The following SLC13A2 variants were observed in gnomAD, a reference collection of about 807,000 sequenced individuals.
SLC13A2 encodes solute carrier family 13 member 2.
A neutral mutation model predicts 58.5 loss-of-function variants in SLC13A2; 40 were observed. The ratio of observed to expected loss-of-function variants is 0.68; its 90% CI spans 0.53 to 0.89. SLC13A2 has a LOEUF of 0.89. Ranked by LOEUF, SLC13A2 falls within the 40% of genes least tolerant of loss-of-function variation. SLC13A2 has a pLI of 0.00. For synonymous variants in SLC13A2, 341 were observed against 331.6 expected (o/e 1.03, Z -0.31); for missense variants, 694 against 772.6 (o/e 0.90, Z 1.21).
intron 1 of SLC13A2, among the ~76,000 whole-genome samples, chr17:28,474,828 C>G (rs545572125): frequency 2.0e-5 from 3 of 152,236 alleles, no homozygotes; most frequent in African/African-American, 4.8e-5. Flanking sequence ...TTCTCTCCAC[C>G]CTGCTGCCTC....
intron 1 of SLC13A2, among the ~76,000 whole-genome samples, chr17:28,486,791 C>CTT (rs35840529): frequency 3.0e-5 from 4 of 131,186 alleles, no homozygotes; most frequent in South Asian, 2.5e-4. Flanking sequence ...GCGAGTCTGA[C>CTT]TTTTTTTTTT....
rs141770820 is a variant in SLC13A2, at chr17:28,475,460, C to G, written c.102+1646C>G. Among the ~76,000 whole-genome samples the G allele has an allele frequency of 3.4e-4, 52 of 152,344 alleles. 1 individual carries two copies. In the East Asian group the frequency reaches 0.01, roughly 29 times the overall value. Reference sequence around the variant, plus strand: ...TCCTCTCTGCCTGATCTCCCCCATCCACATACGGAGGTGCTGTAATATCTC... The same window carrying G: ...TCCTCTCTGCCTGATCTCCCCCATCGACATACGGAGGTGCTGTAATATCTC... On this transcript the variant is annotated intron_variant, in intron 1 of 11. Coordinates refer to ENST00000314669, the MANE Select transcript of SLC13A2 (RefSeq NM_003984.4).
rs1416240979 is a variant in SLC13A2, at chr17:28,496,052, T to A, written c.1470+236T>A. 2.0e-5 allele frequency among the ~76,000 whole-genome samples: 3 copies of A among 152,082 alleles called. No homozygotes were observed. Among genetic ancestry groups the A allele is most frequent in the South Asian group, 2.1e-4 (1 of 4,816 alleles). On this transcript the variant is annotated intron_variant, in intron 10 of 11. Coordinates refer to ENST00000314669, the MANE Select transcript of SLC13A2 (RefSeq NM_003984.4). This position sits in a 1 kb window ranked among gnomAD's most constrained non-coding sequence, Gnocchi z 4.2. ...CACCCCTGGAGTATCCTGATGGGGA[T>A]CCTGGTGGCCTCACCCACCTCCCCA...
chr17:28,489,730 T>A (rs2068964437), intron 2 of SLC13A2, among the ~76,000 whole-genome samples: 1 of 152,216 alleles, frequency 6.6e-6, no homozygotes, highest in South Asian at 2.1e-4. Flanking sequence ...AGTTTCTGAT[T>A]CGGTAGATCT....
chr17:28,485,041 C>T (rs1304834845), intron 1 of SLC13A2, among the ~76,000 whole-genome samples: 1 of 152,168 alleles, frequency 6.6e-6, no homozygotes, highest in Non-Finnish European at 1.5e-5. Context: ...AGAGGCTACG[C>T]CCCCGTCCTC....
rs554303126 is a variant in SLC13A2, at chr17:28,494,893, G to A, written c.1308+381G>A. ...GTCTGCCCTCCGCAGCCACCAGGGG[G>A]CACCATGATCACACCCACCCAGGCT... On this transcript the variant is annotated intron_variant, in intron 9 of 11. Coordinates refer to ENST00000314669, the MANE Select transcript of SLC13A2 (RefSeq NM_003984.4). The surrounding 1 kb of genome is among the most constrained non-coding windows in gnomAD (Gnocchi z 4.0). 1.3e-5 allele frequency among the ~76,000 whole-genome samples: 2 copies of A among 152,242 alleles called. No homozygotes were observed. Among genetic ancestry groups the A allele is most frequent in the Admixed American group, 1.3e-4 (2 of 15,300 alleles).
chr17:28,489,446 A>G (rs1186707408), intron 2 of SLC13A2, 104 bp downstream of exon 2: 6 of 1,367,146 alleles, frequency 4.4e-6, no homozygotes, highest in South Asian at 1.5e-5. Flanking sequence ...TAGGCAGGGC[A>G]CATGGATTAG....
Position 28,494,281 on chromosome 17 carries a change from C to G in SLC13A2, c.1187-110C>G, listed in dbSNP as rs2069094704. Reference sequence around the variant, plus strand: ...GAGATGTTGCAGAACTGAGGGTCCCCTCCTGCACGCGTTAAGCTCCAAAAG... The same window carrying G: ...GAGATGTTGCAGAACTGAGGGTCCCGTCCTGCACGCGTTAAGCTCCAAAAG... On this transcript the variant is annotated intron_variant, in intron 8 of 11. Transcript: ENST00000314669. This position sits in a 1 kb window ranked among gnomAD's most constrained non-coding sequence, Gnocchi z 4.0. The G allele has an allele frequency of 1.3e-6, 2 of 1,584,266 alleles. No individual in the cohort carries two copies. The highest frequency in any genetic ancestry group is 1.7e-6 in the Non-Finnish European group (2 of 1,154,560).
chr17:28,493,764 GC>G lies in SLC13A2; in HGVS notation c.1073del (p.Ala358ValfsTer22). ...CTTTTTTCTTGGCTGGGGCAATTTG[GC>G]TTTTCCCAATGCCAAGGGGGAGAGG... ...PGFFLGWGNL[A>X]FPNAKGESMV... On this transcript the variant is annotated frameshift_variant, in exon 7 of 12. Coordinates refer to ENST00000314669, the MANE Select transcript of SLC13A2 (RefSeq NM_003984.4). LOFTEE classifies it high-confidence loss of function. 1 of 1,614,186 alleles carries G rather than the reference GC, an allele frequency of 6.2e-7. No individual in the cohort carries two copies. The highest frequency in any genetic ancestry group is 8.5e-7 in the Non-Finnish European group (1 of 1,180,050).
intron 1 of SLC13A2, among the ~76,000 whole-genome samples, chr17:28,487,074 A>G (rs2151453711): frequency 6.6e-6 from 1 of 152,376 alleles, no homozygotes; most frequent in East Asian, 1.9e-4. Context: ...CTGGGATTAC[A>G]GGCGTGAGCC....
intron 1 of SLC13A2, among the ~76,000 whole-genome samples, chr17:28,477,628 A>G (rs1361801002): frequency 6.6e-6 from 1 of 152,268 alleles, no homozygotes; most frequent in Non-Finnish European, 1.5e-5. Flanking sequence ...AAGGGGGAAG[A>G]AGGAGCCCCA....
intron 6 of SLC13A2, among the ~76,000 whole-genome samples, chr17:28,492,469 A>C (rs1023762734): frequency 1.3e-5 from 2 of 152,232 alleles, no homozygotes; most frequent in African/African-American, 4.8e-5. Context: ...TGGGTGAAGA[A>C]ATTCCAGGCA....
chr17:28,493,453 G>A (rs142179566), intron 6 of SLC13A2, 118 bp from the exon 7 acceptor site: 14,605 of 776,632 alleles, frequency 0.019, 184 homozygotes, highest in Non-Finnish European at 0.024. Flanking sequence ...TGGGGCCTGA[G>A]TGTAGTGACC....
rs782231996 is a variant in SLC13A2, at chr17:28,491,546, C to T, written c.684C>T (p.Ser228=). The T allele has an allele frequency of 1.1e-4, 175 of 1,613,648 alleles. No individual in the cohort carries two copies. The highest frequency in any genetic ancestry group is 2.8e-4 in the African/African-American group (21 of 74,934). ...GCATGAGCCTGTGCGTGTGCTACTC[C>T]GCCAGCATCGGGGGCATCGCCACGC... The part of the protein sequence containing the change: ...TQCMSLCVCY[S]ASIGGIATLT... The change falls in exon 5 of 12, where the codon TCC becomes TCT. Residue 228 remains serine (S), a synonymous_variant. Transcript: ENST00000314669.
chr17:28,494,170 A>G lies in SLC13A2; in HGVS notation c.1186+65A>G. ...GCCCCTGCCTTCAAGTATGTAATGTACCTTCCACCACACTTGGCAGGAGTA... is the reference window on the plus strand; with the variant it reads ...GCCCCTGCCTTCAAGTATGTAATGTGCCTTCCACCACACTTGGCAGGAGTA... On this transcript the variant is annotated intron_variant, in intron 8 of 11. Coordinates refer to ENST00000314669, the MANE Select transcript of SLC13A2 (RefSeq NM_003984.4). The surrounding 1 kb of genome is among the most constrained non-coding windows in gnomAD (Gnocchi z 4.0). The G allele has an allele frequency of 6.6e-7, 1 of 1,514,772 alleles. No individual in the cohort carries two copies. Among genetic ancestry groups the G allele is most frequent in the Non-Finnish European group, 9.2e-7 (1 of 1,092,328 alleles). 93.8% of individuals were successfully genotyped at this position (1,514,772 alleles called of 1,614,324 possible). A position where few individuals can be genotyped will look rare whatever the true frequency, so the allele number is the denominator to read the frequency against.
At position 28,477,360 on chromosome 17, in the gene SLC13A2, A is replaced by AT. The variant is rs541840743; in HGVS notation, c.102+3553dup. On this transcript the variant is annotated intron_variant, in intron 1 of 11. Transcript: ENST00000314669. ...AGTCACCTGCCACCACGCCCGGCTAATTTTTTTGTATTTTTAGTAGAGACG... is the reference window on the plus strand; with the variant it reads ...AGTCACCTGCCACCACGCCCGGCTAATTTTTTTTGTATTTTTAGTAGAGACG... Among the ~76,000 whole-genome samples, 454 of 151,146 alleles carry AT rather than the reference A, an allele frequency of 3.0e-3. 2 individuals are homozygous for AT. Among genetic ancestry groups the AT allele is most frequent in the African/African-American group, 6.0e-3 (248 of 41,186 alleles).
In SLC13A2 at chr17:28,495,662, G is replaced by A; in HGVS notation, c.1316G>A (p.Gly439Asp). 3 of 1,610,232 alleles carry A rather than the reference G, an allele frequency of 1.9e-6. No individual in the cohort carries two copies. Among genetic ancestry groups the A allele is most frequent in the Non-Finnish European group, 2.5e-6 (3 of 1,179,822 alleles). The change falls in exon 10 of 12, where the codon GGC becomes GAC. Residue 439 changes from glycine (G) to aspartate (D), a missense_variant. Physicochemically the swap from Gly to Asp is moderately conservative, Grantham distance 94. Transcript: ENST00000314669. ...YALAKGSERS[G>D]LSEWLGNKLT... is the part of the protein sequence containing the mutation. ...ATCCTCCTCTGCCCACAGCGATCGG[G>A]CCTGTCAGAGTGGCTGGGAAACAAG... is the stretch of plus-strand genomic sequence containing the variant.
At chr17:28,481,754 A>T (rs1555601195) in intron 1 of SLC13A2, among the ~76,000 whole-genome samples, 1 of 152,218 alleles carries the variant, frequency 6.6e-6, no homozygotes, top group African/African-American at 2.4e-5. Flanking sequence ...TTGTATATTC[A>T]GTCCTCAAAG....
intron 1 of SLC13A2, among the ~76,000 whole-genome samples, chr17:28,480,788 C>T (rs1342293813): frequency 6.6e-6 from 1 of 152,196 alleles, no homozygotes; most frequent in African/African-American, 2.4e-5. Flanking sequence ...ACTTCTTCTC[C>T]ATTGCTCTGT....
Sources: gnomAD v4.1 joint callset for allele counts (sites outside exome capture counted in the v4.1 genomes callset) on GRCh38, gnomAD v4.1.1 for gene constraint, Gnocchi (gnomAD v3.1) non-coding constraint, MANE v1.5 for transcripts, NCBI Gene and HGNC (gene_info 2026-07-23, HGNC 2026-07-21) for gene names.